Variants in AFG2A observed in about 807,000 individuals in gnomAD.
AFG2A encodes the protein ATPase family gene 2 protein homolog A.
At chr4:123,238,691 C>T in the AFG2A span, among the ~76,000 whole-genome samples, 1 of 152,144 alleles carries the variant, frequency 6.6e-6, no homozygotes, top group African/African-American at 2.4e-5. Flanking sequence ...TCACCAACAT[C>T]AAAGACCAAA....
chr4:123,045,592 A>G, the AFG2A span, among the ~76,000 whole-genome samples: 3 of 152,082 alleles, frequency 2.0e-5, no homozygotes, highest in Non-Finnish European at 4.4e-5. Context: ...TTTGCATGAC[A>G]TTCCCTCATG....
the AFG2A span, among the ~76,000 whole-genome samples, chr4:122,987,261 CAT>C: frequency 6.6e-6 from 1 of 152,068 alleles, no homozygotes; most frequent in Admixed American, 6.5e-5. Context: ...TTTAAGAACA[CAT>C]ATAGAATACT....
chr4:123,007,832 G>A, the AFG2A span, among the ~76,000 whole-genome samples: 1 of 151,686 alleles, frequency 6.6e-6, no homozygotes, highest in East Asian at 2.0e-4. Context: ...TTCCATTGCT[G>A]TGACCTGTGA....
the AFG2A span, among the ~76,000 whole-genome samples, chr4:123,026,662 G>A: frequency 6.6e-6 from 1 of 152,150 alleles, no homozygotes; most frequent in African/African-American, 2.4e-5. Context: ...TACTTTATGT[G>A]TGAGACCTTA....
the AFG2A span, among the ~76,000 whole-genome samples, chr4:122,962,027 T>C: frequency 6.6e-6 from 1 of 152,234 alleles, no homozygotes; most frequent in African/African-American, 2.4e-5. Flanking sequence ...CGGATGAAAC[T>C]GTTCCACCTC....
the AFG2A span, among the ~76,000 whole-genome samples, chr4:123,309,933 T>C: frequency 1.3e-5 from 2 of 152,310 alleles, no homozygotes; most frequent in Non-Finnish European, 2.9e-5. Flanking sequence ...GCGTGGACCA[T>C]GAGAAGAGCA....
At chr4:123,038,141 G>A in the AFG2A span, among the ~76,000 whole-genome samples, 1 of 152,114 alleles carries the variant, frequency 6.6e-6, no homozygotes, top group African/African-American at 2.4e-5. Flanking sequence ...ACTGTCAAGT[G>A]TAATAGTTAA....
At chr4:123,230,860 G>A in the AFG2A span, among the ~76,000 whole-genome samples, 1 of 151,976 alleles carries the variant, frequency 6.6e-6, no homozygotes, top group Admixed American at 6.6e-5. Flanking sequence ...GTTGTTGGCT[G>A]ACTAGGTACA....
chr4:123,011,207 T>C, the AFG2A span, among the ~76,000 whole-genome samples: 1 of 152,236 alleles, frequency 6.6e-6, no homozygotes, highest in African/African-American at 2.4e-5. Context: ...TTTGCTTATA[T>C]GAGTTTGCTG....
the AFG2A span, among the ~76,000 whole-genome samples, chr4:123,054,136 A>C: frequency 3.9e-5 from 6 of 152,194 alleles, no homozygotes; most frequent in African/African-American, 1.4e-4. Flanking sequence ...TTGCAGGCTC[A>C]AGGTCAAATG....
At chr4:123,243,894 C>A in the AFG2A span, among the ~76,000 whole-genome samples, 1 of 151,962 alleles carries the variant, frequency 6.6e-6, no homozygotes, top group East Asian at 1.9e-4. Context: ...TGGTAGCACA[C>A]ACCTGTGGTC....
the AFG2A span, among the ~76,000 whole-genome samples, chr4:123,080,196 T>A: frequency 6.6e-6 from 1 of 152,220 alleles, no homozygotes; most frequent in African/African-American, 2.4e-5. Context: ...TAGGTTTAGA[T>A]GAAGTCGTAA....
chr4:123,069,107 T>C, the AFG2A span, among the ~76,000 whole-genome samples: 1 of 152,160 alleles, frequency 6.6e-6, no homozygotes. Flanking sequence ...ATGATAGATA[T>C]TCTTTTTAAT....
chr4:122,997,823 G>C, the AFG2A span, among the ~76,000 whole-genome samples: 2 of 151,878 alleles, frequency 1.3e-5, no homozygotes, highest in Non-Finnish European at 2.9e-5. Context: ...TTATCTTTTT[G>C]ATTATAGCTA....
the AFG2A span, among the ~76,000 whole-genome samples, chr4:123,034,694 A>T: frequency 2.8e-3 from 420 of 152,272 alleles, 3 homozygotes; most frequent in African/African-American, 9.6e-3. Flanking sequence ...CTAATATGAG[A>T]TAGTAATAAT....
the AFG2A span, among the ~76,000 whole-genome samples, chr4:123,021,913 C>A: frequency 1.3e-5 from 2 of 151,790 alleles, no homozygotes; most frequent in Non-Finnish European, 2.9e-5. Flanking sequence ...CTTTGACAAA[C>A]CTGAGAAAAA....
At chr4:123,246,109 T>C in the AFG2A span, among the ~76,000 whole-genome samples, 5 of 152,272 alleles carry the variant, frequency 3.3e-5, no homozygotes, top group African/African-American at 1.2e-4. Flanking sequence ...TTAGCAGATA[T>C]TGTTCTCTTT....
the AFG2A span, among the ~76,000 whole-genome samples, chr4:123,125,224 T>C: frequency 6.6e-6 from 1 of 152,188 alleles, no homozygotes; most frequent in Non-Finnish European, 1.5e-5. Context: ...CCAGTAGAAA[T>C]TTGACTTCTA....
the AFG2A span, among the ~76,000 whole-genome samples, chr4:123,018,014 C>T: frequency 2.6e-5 from 4 of 152,232 alleles, no homozygotes; most frequent in South Asian, 8.3e-4. Context: ...TGGAATTTGT[C>T]CATAAAAGTA....
Sources: gnomAD v4.1 joint callset for allele counts (sites outside exome capture counted in the v4.1 genomes callset) on GRCh38, gnomAD v4.1.1 for gene constraint, MANE v1.5 for transcripts, NCBI Gene and HGNC (gene_info 2026-07-23, HGNC 2026-07-21) for gene names.